RAD51B: variants seen among roughly 807,000 people sequenced by gnomAD.
The protein encoded by RAD51B is RAD51 paralog B.
Under a neutral mutation model 42.2 loss-of-function variants are expected in RAD51B, and 38 were observed. The observed-to-expected ratio is 0.90, with a 90% CI of 0.70 to 1.18. RAD51B has a LOEUF of 1.18. Among genes scored for constraint, RAD51B ranks in the 50% most tolerant of loss-of-function variants. The probability of loss-of-function intolerance (pLI) is 0.00; values close to 1 mark genes in which losing one functional copy is unlikely to be tolerated. For synonymous variants in RAD51B, 154 were observed against 145.2 expected, an observed-to-expected ratio of 1.06 and a Z score of -0.43; for missense variants, 373 against 400.7, an observed-to-expected ratio of 0.93 and a Z score of 0.59.
chr14:68,211,094 G>A (rs1238351343), intron 7 of RAD51B, among the ~76,000 whole-genome samples: 3 of 152,152 alleles, frequency 2.0e-5, no homozygotes, highest in African/African-American at 7.2e-5. Flanking sequence ...TTCTCTCTGA[G>A]GATGTTTCTC....
At chr14:68,177,148 T>C (rs1293927369) in intron 7 of RAD51B, among the ~76,000 whole-genome samples, 3 of 152,192 alleles carry the variant, frequency 2.0e-5, no homozygotes, top group Non-Finnish European at 4.4e-5. Context: ...GAGTGTACAA[T>C]GCCACATTGA....
In RAD51B at chr14:68,528,915, A is replaced by C. The variant is rs1210389504; in HGVS notation, c.1036+60665A>C. Reference sequence around the variant, plus strand: ...CAAACAAGTTAGATAACTTGCTCCCAGTCTCTCAGTTAGTAAGTGATAAGT... The same window carrying C: ...CAAACAAGTTAGATAACTTGCTCCCCGTCTCTCAGTTAGTAAGTGATAAGT... On this transcript the variant is annotated intron_variant, in intron 10 of 10. Transcript: ENST00000487270. Among the ~76,000 whole-genome samples, 6 of 152,238 alleles carry C rather than the reference A, an allele frequency of 3.9e-5. No homozygotes were observed. In the South Asian group the frequency reaches 1.2e-3, roughly 32 times the overall value.
At chr14:68,173,284 G>T (rs2078906666) in intron 7 of RAD51B, among the ~76,000 whole-genome samples, 1 of 152,156 alleles carries the variant, frequency 6.6e-6, no homozygotes, top group Admixed American at 6.5e-5. Context: ...TTTGGTCTTT[G>T]ATCTTTTTCC....
At chr14:68,656,723 C>T (rs914939666) in intron 11 of RAD51B, among the ~76,000 whole-genome samples, 1 of 152,178 alleles carries the variant, frequency 6.6e-6, no homozygotes, top group African/African-American at 2.4e-5. Flanking sequence ...GGTCCCCCAC[C>T]CCTGAGAGGA....
chr14:68,491,266 C>G (rs1454672451), intron 10 of RAD51B, among the ~76,000 whole-genome samples: 1 of 152,134 alleles, frequency 6.6e-6, no homozygotes, highest in East Asian at 1.9e-4. Flanking sequence ...GTGATTGACT[C>G]TGAGATATAT....
intron 8 of RAD51B, among the ~76,000 whole-genome samples, chr14:68,300,576 A>G (rs1458732330): frequency 6.6e-6 from 1 of 152,158 alleles, no homozygotes; most frequent in Non-Finnish European, 1.5e-5. Flanking sequence ...AAGCCAATAT[A>G]CTGTTTTAAA....
intron 7 of RAD51B, among the ~76,000 whole-genome samples, chr14:68,285,249 T>C (rs2081391741): frequency 6.6e-6 from 1 of 152,186 alleles, no homozygotes; most frequent in South Asian, 2.1e-4. Context: ...AGAGCCAGGA[T>C]TAAAACTTGA....
At chr14:67,952,027 A>T (rs1353710914) in intron 7 of RAD51B, among the ~76,000 whole-genome samples, 1 of 151,342 alleles carries the variant, frequency 6.6e-6, no homozygotes, top group Non-Finnish European at 1.5e-5. Flanking sequence ...AATGAAGACC[A>T]GAATGAAGTC....
intron 11 of RAD51B, among the ~76,000 whole-genome samples, chr14:68,682,357 G>A (rs1375472472): frequency 6.6e-6 from 1 of 152,128 alleles, no homozygotes; most frequent in Non-Finnish European, 1.5e-5. Flanking sequence ...AAAACTGAAA[G>A]GCCAGTTCCA....
chr14:67,960,108 GTA>G (rs755741402), intron 7 of RAD51B, among the ~76,000 whole-genome samples: 224 of 151,944 alleles, frequency 1.5e-3, no homozygotes, highest in Non-Finnish European at 2.5e-3. Flanking sequence ...AAGTGTGTGT[GTA>G]TGTTTGTGTG....
intron 10 of RAD51B, among the ~76,000 whole-genome samples, chr14:68,625,309 C>G (rs1892051996): frequency 6.6e-6 from 1 of 152,154 alleles, no homozygotes; most frequent in African/African-American, 2.4e-5. Flanking sequence ...GGGACTCTGT[C>G]TCCCTTGAAC....
chr14:67,843,946 A>G (rs1314304136), intron 4 of RAD51B, among the ~76,000 whole-genome samples: 1 of 151,406 alleles, frequency 6.6e-6, no homozygotes. Flanking sequence ...ATGTTAGGTT[A>G]TTTACTTGAG....
chr14:68,115,542 TAAAA>T (rs368351598), intron 7 of RAD51B, among the ~76,000 whole-genome samples: 1 of 67,996 alleles, frequency 1.5e-5, no homozygotes, highest in Admixed American at 1.7e-4. Context: ...ACTTAAAGTA[TAAAA>T]AAAAAAAAAA....
At chr14:68,558,271 G>A (rs538933331) in intron 10 of RAD51B, among the ~76,000 whole-genome samples, 5 of 152,332 alleles carry the variant, frequency 3.3e-5, no homozygotes, top group South Asian at 2.1e-4. Context: ...AGAGAAAGCC[G>A]GGAAGAGGGG....
rs1262373240 is a variant in RAD51B at position 68,255,005 on chromosome 14, T to G, written c.757-36879T>G. On this transcript the variant is annotated intron_variant, in intron 7 of 10. Transcript: ENST00000471583. ...CTAAAGAGAACTGTGTATTCTCTTT[T>G]TCTCCATCTCCTTTGCCTTTCATCC... 3.3e-5 allele frequency among the ~76,000 whole-genome samples: 5 copies of G among 152,308 alleles called. No individual in the cohort carries two copies. The East Asian group carries it at 9.6e-4, about 29-fold the overall frequency.
Position 67,823,988 on chromosome 14 carries a change from G to A in RAD51B, c.84+361G>A, listed in dbSNP as rs973961731. Among the ~76,000 whole-genome samples, 5 of 152,180 alleles carry A rather than the reference G, an allele frequency of 3.3e-5. No individual in the cohort carries two copies. The South Asian group carries it at 6.2e-4, about 19-fold the overall frequency. On this transcript the variant is annotated intron_variant, in intron 2 of 10. Transcript: ENST00000471583. Reference sequence around the variant, plus strand: ...ATTAATAGACCATTTTCTTATTGATGGAGCATGAGAAATATATAGAGCGGA... The same window carrying A: ...ATTAATAGACCATTTTCTTATTGATAGAGCATGAGAAATATATAGAGCGGA...
intron 10 of RAD51B, among the ~76,000 whole-genome samples, chr14:68,527,933 C>G (rs1195626669): frequency 6.6e-6 from 1 of 152,174 alleles, no homozygotes; most frequent in Non-Finnish European, 1.5e-5. Flanking sequence ...CTTCTTTATA[C>G]TCTTTCAAAT....
intron 8 of RAD51B, among the ~76,000 whole-genome samples, chr14:68,295,379 CAAAG>C (rs1335092421): frequency 6.6e-6 from 1 of 152,194 alleles, no homozygotes; most frequent in African/African-American, 2.4e-5. Flanking sequence ...AACACAAAAA[CAAAG>C]AACTCTCAAC....
intron 10 of RAD51B, among the ~76,000 whole-genome samples, chr14:68,560,778 C>G (rs180808513): frequency 6.6e-6 from 1 of 151,994 alleles, no homozygotes; most frequent in Admixed American, 6.6e-5. Flanking sequence ...CCTGGCCTCC[C>G]CCCGCCCCAC....
Sources: gnomAD v4.1 joint callset for allele counts (sites outside exome capture counted in the v4.1 genomes callset) on GRCh38, gnomAD v4.1.1 for gene constraint, MANE v1.5 for transcripts, NCBI Gene and HGNC (gene_info 2026-07-23, HGNC 2026-07-21) for gene names.